Variants in NGB observed in about 807,000 individuals in gnomAD.
NGB encodes nitrite reductase.
A neutral mutation model predicts 17.3 loss-of-function variants in NGB; 12 were observed. That is an observed-to-expected ratio of 0.69 (90% CI 0.45 to 1.13). The LOEUF (loss-of-function observed/expected upper bound fraction) is 1.13, where lower values mean the gene tolerates loss of function less well. Among genes scored for constraint, NGB ranks in the 50% most tolerant of loss-of-function variants. The pLI is 0.00. For synonymous variants in NGB, 87 were observed against 81.0 expected, an observed-to-expected ratio of 1.07 and a Z score of -0.40; for missense variants, 195 against 191.7, an observed-to-expected ratio of 1.02 and a Z score of -0.10.
intron 2 of NGB, 68 bp from the exon 3 acceptor site, chr14:77,268,653 C>T: frequency 1.3e-6 from 2 of 1,595,350 alleles, no homozygotes; most frequent in Non-Finnish European, 1.7e-6. Flanking sequence ...AATCACAGCC[C>T]AAGGCATGAG....
rs184647868 is a variant in NGB at position 77,266,989 on chromosome 14, T to C, written c.322-319A>G. ...CCAAACCAAGTCATTGCTCCCAGACTTGAGTTTCCTCATCTGCAAGGCAGC... is the reference window on the plus strand; with the variant it reads ...CCAAACCAAGTCATTGCTCCCAGACCTGAGTTTCCTCATCTGCAAGGCAGC... On this transcript the variant is annotated intron_variant, in intron 3 of 3. Transcript: ENST00000298352. Among the ~76,000 whole-genome samples, 7 of 152,346 alleles carry C rather than the reference T, an allele frequency of 4.6e-5. No homozygotes were observed. The East Asian group carries it at 1.3e-3, about 29-fold the overall frequency.
intron 2 of NGB, among the ~76,000 whole-genome samples, 156 bp from the exon 3 acceptor site, chr14:77,268,741 T>C (rs1336327946): frequency 1.3e-5 from 2 of 152,208 alleles, no homozygotes; most frequent in African/African-American, 2.4e-5. Flanking sequence ...GTCTACTACA[T>C]GTAGGGGGCA....
chr14:77,267,944 C>T (rs950139823), intron 3 of NGB, among the ~76,000 whole-genome samples: 1 of 152,214 alleles, frequency 6.6e-6, no homozygotes, highest in Non-Finnish European at 1.5e-5. Context: ...GGCTTGTCCT[C>T]TAAAAACTCC....
intron 3 of NGB, among the ~76,000 whole-genome samples, 162 bp downstream of exon 3, chr14:77,268,304 G>T (rs1337838237): frequency 6.6e-6 from 1 of 152,184 alleles, no homozygotes; most frequent in African/African-American, 2.4e-5. Flanking sequence ...GAGAGGTCAA[G>T]CCCATGTCAG....
chr14:77,269,276 C>A lies in NGB; in HGVS notation c.140G>T (p.Arg47Leu), dbSNP rs151201675. Reference sequence around the variant, plus strand: ...ACAGTCCTCTGGGCTGGAGAACTGGCGGCAGTTGTACTGGAAGAGGGGCAG... The same window carrying A: ...ACAGTCCTCTGGGCTGGAGAACTGGAGGCAGTTGTACTGGAAGAGGGGCAG... ...DLLPLFQYNCRQFSSPEDCLS... is the reference protein window; with the variant it reads ...DLLPLFQYNCLQFSSPEDCLS... The change falls in exon 2 of 4, where the codon CGC (arginine) becomes CTC (leucine). Residue 47 changes from arginine to leucine, a missense_variant. Transcript: ENST00000298352. The A allele has an allele frequency of 1.4e-5, 21 of 1,551,726 alleles. No individual in the cohort carries two copies. Among genetic ancestry groups the A allele is most frequent in the Non-Finnish European group, 1.7e-5 (20 of 1,147,000 alleles).
At position 77,270,852 on chromosome 14, in the gene NGB, G is replaced by C; in HGVS notation, c.86C>G (p.Ala29Gly). 1 of 1,582,464 alleles carries C rather than the reference G, an allele frequency of 6.3e-7. No homozygotes were observed. The highest frequency in any genetic ancestry group is 1.1e-5 in the South Asian group (1 of 88,436). The change falls in exon 1 of 4, where the codon GCC becomes GGC. Residue 29 changes from alanine to glycine, a missense_variant. Transcript: ENST00000298352. ...CGGGCGCTCGTGTAGCCCTCACCTG[G>C]CAAACAGGACGGTGCCGTGCTCCAG... ...SPLEHGTVLF[A>G]RLFALEPDLL...
In NGB at chr14:77,270,836, G is replaced by A. The variant is rs1049269155; in HGVS notation, c.89+13C>T. 4.5e-6 allele frequency: 7 copies of A among 1,565,216 alleles called. No homozygotes were observed. The highest frequency in any genetic ancestry group is 1.4e-5 in the African/African-American group (1 of 73,318). ...CCTCCACCCGCATCCCCGGGCGCTCGTGTAGCCCTCACCTGGCAAACAGGA... is the reference window on the plus strand; with the variant it reads ...CCTCCACCCGCATCCCCGGGCGCTCATGTAGCCCTCACCTGGCAAACAGGA... On this transcript the variant is annotated intron_variant, in intron 1 of 3. Coordinates refer to ENST00000298352, the MANE Select transcript of NGB (RefSeq NM_021257.4).
Position 77,271,044 on chromosome 14 carries a change from T to C in NGB, c.-107A>G. 1 of 795,292 alleles carries C rather than the reference T, an allele frequency of 1.3e-6. No individual in the cohort carries two copies. The highest frequency in any genetic ancestry group is 1.8e-6 in the Non-Finnish European group (1 of 542,706). 49.3% of individuals were successfully genotyped at this position (795,292 alleles called of 1,614,324 possible). A position where few individuals can be genotyped will look rare whatever the true frequency, so the allele number is the denominator to read the frequency against. On this transcript the variant is annotated 5_prime_UTR_variant, in exon 1 of 4. Coordinates refer to ENST00000298352, the MANE Select transcript of NGB (RefSeq NM_021257.4). ...GCGACGCGGTCCCCTCCGCCCCTCG[T>C]ACGCCCCCCGTGCCTCCGCCCGGCG...
In NGB at chr14:77,268,149, A is replaced by G. The variant is rs139753304; in HGVS notation, c.321+317T>C. Among the ~76,000 whole-genome samples the G allele has an allele frequency of 2.7e-3, 410 of 152,370 alleles. 4 individuals are homozygous for G. Among genetic ancestry groups the G allele is most frequent in the African/African-American group, 9.3e-3 (388 of 41,584 alleles). ...AAGAGCTGCCCAGCTGAGCCCAGCC[A>G]TGAGAAATCGGAAAGCATTGTCATA... On this transcript the variant is annotated intron_variant, in intron 3 of 3. Coordinates refer to ENST00000298352, the MANE Select transcript of NGB (RefSeq NM_021257.4).
At chr14:77,269,947 C>T (rs1419972743) in intron 1 of NGB, among the ~76,000 whole-genome samples, 1 of 151,634 alleles carries the variant, frequency 6.6e-6, no homozygotes, top group Non-Finnish European at 1.5e-5. Context: ...CTAGAACTCG[C>T]CTAAGGTCAC....
chr14:77,269,221 G>A lies in NGB; in HGVS notation c.195C>T (p.Ile65=). The A allele has an allele frequency of 1.3e-6, 2 of 1,547,410 alleles. No homozygotes were observed. Among genetic ancestry groups the A allele is most frequent in the Non-Finnish European group, 1.7e-6 (2 of 1,143,140 alleles). Residue 65 remains isoleucine (I), a synonymous_variant, in exon 2 of 4, where the codon ATC becomes ATT. Transcript: ENST00000298352. Reference sequence around the variant, plus strand: ...AGCTCTGCCTCCCTCTCACCTTCCTGATGTGGTCCAGGAACTCAGGCGAGG... The same window carrying A: ...AGCTCTGCCTCCCTCTCACCTTCCTAATGTGGTCCAGGAACTCAGGCGAGG... ...CLSSPEFLDH[I]RKVMLVIDAA... is the part of the protein sequence containing the mutation.
chr14:77,266,050 T>C lies in NGB; in HGVS notation c.*486A>G, dbSNP rs1889662504. 6.1e-6 allele frequency: 2 copies of C among 326,180 alleles called. No individual in the cohort carries two copies. The allele number at this position is 326,180 out of a possible 1,614,324, so 20.2% of individuals were successfully genotyped here. Reference sequence around the variant, plus strand: ...CCACCAAGAAGGCTAAAGCTGCTCTTTCTCTTTATTTGTGAAAAGCAAGCC... The same window carrying C: ...CCACCAAGAAGGCTAAAGCTGCTCTCTCTCTTTATTTGTGAAAAGCAAGCC... On this transcript the variant is annotated 3_prime_UTR_variant, in exon 4 of 4. Coordinates refer to ENST00000298352, the MANE Select transcript of NGB (RefSeq NM_021257.4).
intron 1 of NGB, 131 bp from the exon 2 acceptor site, chr14:77,269,457 C>T: frequency 3.3e-6 from 2 of 607,604 alleles, no homozygotes; most frequent in Non-Finnish European, 6.1e-6. Flanking sequence ...GCTGACTCTC[C>T]CACCTGGCAC....
Position 77,270,776 on chromosome 14 carries a change from G to C in NGB, c.89+73C>G. 2.3e-6 allele frequency: 3 copies of C among 1,315,330 alleles called. No homozygotes were observed. In the East Asian group the frequency reaches 7.9e-5, roughly 34 times the overall value. 81.5% of individuals were successfully genotyped at this position (1,315,330 alleles called of 1,614,324 possible). A position where few individuals can be genotyped will look rare whatever the true frequency, so the allele number is the denominator to read the frequency against. On this transcript the variant is annotated intron_variant, in intron 1 of 3. Transcript: ENST00000298352. ...GGCCAGTTTTCCCTCCTTCGGGGCC[G>C]GTCCTGCCGCGTGACCCCTTTCCCG...
rs766488042 is a variant in NGB, at chr14:77,266,261, C to A, written c.*275G>T. ...ACCTCTGCCACCAAAACACTCATCGCGGGGTCAGAGGGAGTGCCAAAAAAG... is the reference window on the plus strand; with the variant it reads ...ACCTCTGCCACCAAAACACTCATCGAGGGGTCAGAGGGAGTGCCAAAAAAG... On this transcript the variant is annotated 3_prime_UTR_variant, in exon 4 of 4. Coordinates refer to ENST00000298352, the MANE Select transcript of NGB (RefSeq NM_021257.4). 2 of 661,932 alleles carry A rather than the reference C, an allele frequency of 3.0e-6. No homozygotes were observed. The highest frequency in any genetic ancestry group is 3.6e-5 in the African/African-American group (2 of 56,304). 41.0% of individuals were successfully genotyped at this position (661,932 alleles called of 1,614,324 possible). A position where few individuals can be genotyped will look rare whatever the true frequency, so the allele number is the denominator to read the frequency against.
chr14:77,269,127 C>T (rs1036067609), intron 2 of NGB, 88 bp downstream of exon 2: 1 of 848,618 alleles, frequency 1.2e-6, no homozygotes, highest in Non-Finnish European at 1.9e-6. Context: ...AAGACTAGAC[C>T]TGGGGCAGAA....
In NGB at chr14:77,266,045, GCTCTTT is replaced by G. The variant is rs1340058398; in HGVS notation, c.*485_*490del. On this transcript the variant is annotated 3_prime_UTR_variant, in exon 4 of 4. Coordinates refer to ENST00000298352, the MANE Select transcript of NGB (RefSeq NM_021257.4). ...GGATTCCACCAAGAAGGCTAAAGCT[GCTCTTT>G]CTCTTTATTTGTGAAAAGCAAGCCA... 1 of 324,126 alleles carries G rather than the reference GCTCTTT, an allele frequency of 3.1e-6. No individual in the cohort carries two copies. The highest frequency in any genetic ancestry group is 6.4e-6 in the Non-Finnish European group (1 of 156,362). 20.1% of individuals were successfully genotyped at this position (324,126 alleles called of 1,614,324 possible).
In NGB at chr14:77,270,982, CG is replaced by C. The variant is rs771364406; in HGVS notation, c.-46del. The C allele has an allele frequency of 7.1e-7, 1 of 1,407,388 alleles. No homozygotes were observed. Among genetic ancestry groups the C allele is most frequent in the Non-Finnish European group, 9.5e-7 (1 of 1,056,662 alleles). 87.2% of individuals were successfully genotyped at this position (1,407,388 alleles called of 1,614,324 possible). A position where few individuals can be genotyped will look rare whatever the true frequency, so the allele number is the denominator to read the frequency against. On this transcript the variant is annotated 5_prime_UTR_variant, in exon 1 of 4. Coordinates refer to ENST00000298352, the MANE Select transcript of NGB (RefSeq NM_021257.4). Reference sequence around the variant, plus strand: ...GCGCGGGGCTGGGACCCTCAGGGCTCGGGTGCCGTCACCGCACGTGCCGCGC... The same window carrying C: ...GCGCGGGGCTGGGACCCTCAGGGCTCGGTGCCGTCACCGCACGTGCCGCGC...
Position 77,266,375 on chromosome 14 carries a change from G to A in NGB, c.*161C>T. The A allele has an allele frequency of 2.0e-6, 2 of 980,350 alleles. No individual in the cohort carries two copies. The highest frequency in any genetic ancestry group is 1.7e-6 in the Non-Finnish European group (1 of 604,996). 60.7% of individuals were successfully genotyped at this position (980,350 alleles called of 1,614,324 possible). A position where few individuals can be genotyped will look rare whatever the true frequency, so the allele number is the denominator to read the frequency against. The stretch of plus-strand genomic sequence containing the variant: ...AGGAAAAGCCACTCCTTCTGCAGCT[G>A]GACTCTAGGATACTGAGACCCAGCC... On this transcript the variant is annotated 3_prime_UTR_variant, in exon 4 of 4. Transcript: ENST00000298352.
Sources: allele counts gnomAD v4.1 joint callset (sites outside exome capture counted in the v4.1 genomes callset), GRCh38; gene constraint gnomAD v4.1.1; transcripts MANE v1.5; gene names NCBI Gene and HGNC (gene_info 2026-07-23, HGNC 2026-07-21).